Variants in OTUD7A observed in about 807,000 individuals in gnomAD.
The protein encoded by OTUD7A is OTU deubiquitinase 7A.
In OTUD7A, 12 loss-of-function variants were observed where a neutral mutation model predicts 65.7. That is an observed-to-expected ratio of 0.18 (90% CI 0.12 to 0.30). OTUD7A has a LOEUF of 0.30. Among genes scored for constraint, OTUD7A ranks in the 10% least tolerant of loss-of-function variants. The pLI, the probability that OTUD7A is intolerant of heterozygous loss-of-function variation, is 1.00. For synonymous variants in OTUD7A, 641 were observed against 586.3 expected (o/e 1.09, Z -1.35); for missense variants, 1,148 against 1,304.8 (o/e 0.88, Z 1.85).
chr15:31,512,577 T>C (rs954320055), intron 8 of OTUD7A, among the ~76,000 whole-genome samples: 2 of 152,208 alleles, frequency 1.3e-5, no homozygotes, highest in African/African-American at 4.8e-5. Flanking sequence ...TACTGATGTG[T>C]CTGGTTTTTA....
chr15:31,569,925 T>C (rs2141171520), intron 4 of OTUD7A, 93 bp downstream of exon 4: 1 of 1,390,580 alleles, frequency 7.2e-7, no homozygotes, highest in Non-Finnish European at 9.9e-7. Flanking sequence ...CGGGAGGTGA[T>C]GACCCCACCA....
intron 1 of OTUD7A, among the ~76,000 whole-genome samples, chr15:31,677,229 C>T (rs1434335623): frequency 1.3e-5 from 2 of 152,170 alleles, no homozygotes; most frequent in Non-Finnish European, 2.9e-5. Context: ...AGTAGAGCTG[C>T]TGGATGGGAG....
chr15:31,596,114 G>C (rs144553570), intron 3 of OTUD7A, among the ~76,000 whole-genome samples: 1 of 152,026 alleles, frequency 6.6e-6, no homozygotes, highest in Non-Finnish European at 1.5e-5. Flanking sequence ...AAGTCCCTTC[G>C]CAGTGGTAAC....
chr15:31,548,262 C>T (rs1326989595), intron 5 of OTUD7A, among the ~76,000 whole-genome samples: 1 of 150,706 alleles, frequency 6.6e-6, no homozygotes, highest in South Asian at 2.1e-4. Flanking sequence ...GATGTTCCTG[C>T]GCGGTGCCCT....
chr15:31,509,790 T>C (rs4779538), intron 8 of OTUD7A, among the ~76,000 whole-genome samples: 110,233 of 151,616 alleles, frequency 0.73, 40,299 homozygotes, highest in East Asian at 0.84. Context: ...TTTATAACTT[T>C]TTATGACTTT....
Position 31,484,752 on chromosome 15 carries a change from A to G in OTUD7A, c.1372-28T>C. The G allele has an allele frequency of 6.3e-7, 1 of 1,584,954 alleles. No homozygotes were observed. The highest frequency in any genetic ancestry group is 8.5e-7 in the Non-Finnish European group (1 of 1,172,556). Reference sequence around the variant, plus strand: ...GTGTGGAGAGGGAGGGCCGGATCGAAGGTGGTTAGAGAAGAGCTGTCCACG... The same window carrying G: ...GTGTGGAGAGGGAGGGCCGGATCGAGGGTGGTTAGAGAAGAGCTGTCCACG... On this transcript the variant is annotated intron_variant, in intron 12 of 12. Coordinates refer to ENST00000307050, the MANE Select transcript of OTUD7A (RefSeq NM_001382637.1). The surrounding 1 kb of genome is among the most constrained non-coding windows in gnomAD (Gnocchi z 4.5).
chr15:31,757,513 C>A (rs1894849054), intron 1 of OTUD7A, among the ~76,000 whole-genome samples: 1 of 151,894 alleles, frequency 6.6e-6, no homozygotes, highest in African/African-American at 2.4e-5. Flanking sequence ...CCAATAACCC[C>A]AGAAATACAT....
chr15:31,760,681 T>G (rs950903598), intron 1 of OTUD7A, among the ~76,000 whole-genome samples: 3 of 151,894 alleles, frequency 2.0e-5, no homozygotes, highest in African/African-American at 7.3e-5. Flanking sequence ...TCCAGCTGGC[T>G]TTTTTTTCAG....
chr15:31,822,191 T>A (rs1395055421), intron 1 of OTUD7A, among the ~76,000 whole-genome samples: 1 of 152,248 alleles, frequency 6.6e-6, no homozygotes, highest in African/African-American at 2.4e-5. Context: ...GTGAGGCAGC[T>A]ACTGGTGGTC....
chr15:31,620,922 C>T (rs1052122633), intron 3 of OTUD7A, among the ~76,000 whole-genome samples: 2 of 112,882 alleles, frequency 1.8e-5, no homozygotes, highest in Non-Finnish European at 3.3e-5. Context: ...AAATTTCCCT[C>T]CACACACCGC....
chr15:31,843,464 T>C (rs984055004), intron 1 of OTUD7A, among the ~76,000 whole-genome samples: 3 of 152,188 alleles, frequency 2.0e-5, no homozygotes, highest in African/African-American at 7.2e-5. Flanking sequence ...CAGCTCTTCC[T>C]TTAAAAATGT....
intron 1 of OTUD7A, chr15:31,766,475 T>C: frequency 1.3e-6 from 2 of 1,593,662 alleles, no homozygotes; most frequent in East Asian, 2.2e-5. Flanking sequence ...CTGAAAGTTC[T>C]ATTGTACTTT....
chr15:31,667,556 G>C (rs886927944), intron 1 of OTUD7A, among the ~76,000 whole-genome samples: 3 of 152,086 alleles, frequency 2.0e-5, no homozygotes, highest in African/African-American at 7.2e-5. Context: ...GCAGCAGATA[G>C]TTCATTGGTG....
intron 1 of OTUD7A, among the ~76,000 whole-genome samples, chr15:31,668,550 T>A (rs2141292857): frequency 6.6e-6 from 1 of 152,340 alleles, no homozygotes; most frequent in East Asian, 1.9e-4. Context: ...CTCCCTTCCC[T>A]TCTTTTATTG....
chr15:31,554,894 T>C (rs1409142713), intron 5 of OTUD7A, among the ~76,000 whole-genome samples: 1 of 152,232 alleles, frequency 6.6e-6, no homozygotes, highest in African/African-American at 2.4e-5. Context: ...GGAGGTCAGC[T>C]GGTTTTAGGC....
intron 1 of OTUD7A, among the ~76,000 whole-genome samples, chr15:31,860,218 C>T (rs1238004938): frequency 6.6e-6 from 1 of 152,076 alleles, no homozygotes; most frequent in Non-Finnish European, 1.5e-5. Context: ...ACAAGCAAGT[C>T]CCATTACAAC....
rs8043476 is a variant in OTUD7A at position 31,733,544 on chromosome 15, G to A, written c.-99-76467C>T. Among the ~76,000 whole-genome samples the A allele has an allele frequency of 3.8e-3, 582 of 152,310 alleles. 2 individuals are homozygous for A. Among genetic ancestry groups the A allele is most frequent in the Non-Finnish European group, 6.0e-3 (405 of 68,030 alleles). ...CTAGGAAGCACCCCCTGGCTGCCCA[G>A]ACCAGGTCAGCCCTCTGGCTCTCTA... On this transcript the variant is annotated intron_variant, in intron 1 of 12. Transcript: ENST00000307050.
chr15:31,677,579 A>G (rs543570143), intron 1 of OTUD7A, among the ~76,000 whole-genome samples: 1 of 152,066 alleles, frequency 6.6e-6, no homozygotes, highest in South Asian at 2.1e-4. Context: ...GATGGTTTTT[A>G]TAAGTGCCTG....
intron 3 of OTUD7A, among the ~76,000 whole-genome samples, chr15:31,624,050 G>T (rs1165050222): frequency 6.6e-6 from 1 of 152,172 alleles, no homozygotes; most frequent in East Asian, 1.9e-4. Flanking sequence ...TTGTCTTATT[G>T]GCTTTGCTTT....
Sources: allele counts gnomAD v4.1 joint callset (sites outside exome capture counted in the v4.1 genomes callset), GRCh38; gene constraint gnomAD v4.1.1; non-coding constraint Gnocchi (gnomAD v3.1); transcripts MANE v1.5; gene names NCBI Gene and HGNC (gene_info 2026-07-23, HGNC 2026-07-21).